DHRSX: variants seen among roughly 807,000 people sequenced by gnomAD.
The protein encoded by DHRSX is polyprenol dehydrogenase.
In DHRSX, 31 loss-of-function variants were observed where a neutral mutation model predicts 34.0. That is an observed-to-expected ratio of 0.91 (90% CI 0.69 to 1.23). The LOEUF (loss-of-function observed/expected upper bound fraction) is 1.23, where lower values mean the gene tolerates loss of function less well. DHRSX is among the 50% of genes most tolerant of loss of function. The pLI, the probability that DHRSX is intolerant of heterozygous loss-of-function variation, is 0.00. For synonymous variants in DHRSX, 201 were observed against 183.8 expected, an observed-to-expected ratio of 1.09 and a Z score of -0.76; for missense variants, 414 against 428.1, an observed-to-expected ratio of 0.97 and a Z score of 0.29.
At chrX:2,248,432 C>CAAAAAAAAAAAAAA (rs574631590) in intron 5 of DHRSX, among the ~76,000 whole-genome samples, 1 of 111,040 alleles carries the variant, frequency 9.0e-6, no homozygotes, top group African/African-American at 3.2e-5. Context: ...GACTCTGTCT[C>CAAAAAAAAAAAAAA]AAAAAAAAAA....
At chrX:2,383,531 C>T (rs764672209) in intron 3 of DHRSX, among the ~76,000 whole-genome samples, 29 of 152,314 alleles carry the variant, frequency 1.9e-4, no homozygotes, top group Admixed American at 1.0e-3. Context: ...CAACCATCAT[C>T]ACCATCAGAA....
chrX:2,223,264 G>A (rs908155633), intron 6 of DHRSX, among the ~76,000 whole-genome samples: 5 of 152,106 alleles, frequency 3.3e-5, no homozygotes, highest in Admixed American at 6.6e-5. Flanking sequence ...GACATCTGAT[G>A]GTTTTATAAA....
intron 1 of DHRSX, among the ~76,000 whole-genome samples, chrX:2,431,667 A>G (rs918867431): frequency 6.6e-6 from 1 of 152,290 alleles, no homozygotes; most frequent in Admixed American, 6.5e-5. Context: ...AGGAAACTAA[A>G]TATCAGACGT....
intron 6 of DHRSX, among the ~76,000 whole-genome samples, chrX:2,234,855 C>T (rs1195841735): frequency 3.3e-5 from 5 of 152,146 alleles, no homozygotes; most frequent in Admixed American, 2.6e-4. Flanking sequence ...GGACTACAGG[C>T]GTGTGCCACC....
intron 3 of DHRSX, among the ~76,000 whole-genome samples, chrX:2,406,494 G>A (rs1243629101): frequency 2.0e-5 from 3 of 150,652 alleles, no homozygotes; most frequent in South Asian, 2.1e-4. Context: ...AGGCTGGAGT[G>A]CAAAGGTGTG....
intron 3 of DHRSX, among the ~76,000 whole-genome samples, chrX:2,328,921 C>T (rs981350341): frequency 7.2e-5 from 11 of 152,102 alleles, no homozygotes; most frequent in Non-Finnish European, 1.3e-4. Flanking sequence ...GGAGGTTTTC[C>T]TCAAAGCATT....
intron 3 of DHRSX, among the ~76,000 whole-genome samples, chrX:2,343,844 G>A (rs2042669606): frequency 1.3e-5 from 2 of 152,188 alleles, no homozygotes; most frequent in Non-Finnish European, 2.9e-5. Flanking sequence ...TATTGGTGAA[G>A]TGTATTAGTA....
Position 2,408,795 on chromosome X carries a change from T to A in DHRSX, c.236A>T (p.Lys79Ile). The A allele has an allele frequency of 6.2e-7, 1 of 1,613,068 alleles. No homozygotes were observed. Among genetic ancestry groups the A allele is most frequent in the Non-Finnish European group, 8.5e-7 (1 of 1,179,590 alleles). Residue 79 changes from lysine (K) to isoleucine (I), a missense_variant, in exon 3 of 7, where the codon AAA becomes ATA. Coordinates refer to ENST00000334651, the MANE Select transcript of DHRSX (RefSeq NM_145177.3). ...HVIIAGNNDS[K>I]AKQVVSKIKE... ...TATTTTGCTTACAACTTGTTTGGCTTTGCTGTCATTATTTCCAGCTAAAAG... is the reference window on the plus strand; with the variant it reads ...TATTTTGCTTACAACTTGTTTGGCTATGCTGTCATTATTTCCAGCTAAAAG...
chrX:2,233,071 G>A (rs1569477598), intron 6 of DHRSX, among the ~76,000 whole-genome samples: 1 of 6,602 alleles, frequency 1.5e-4, no homozygotes. Flanking sequence ...AAGAAAGAAA[G>A]AAAGAAAGAA....
chrX:2,267,011 G>T, intron 4 of DHRSX, 64 bp from the exon 5 acceptor site: 1 of 1,549,388 alleles, frequency 6.5e-7, no homozygotes, highest in Non-Finnish European at 8.9e-7. Flanking sequence ...TCTCACAGAT[G>T]GATTCCCCAG....
At chrX:2,261,888 T>G (rs1170797042) in intron 5 of DHRSX, 1 of 152,146 alleles carries the variant, frequency 6.6e-6, no homozygotes, top group Non-Finnish European at 1.5e-5. Flanking sequence ...GGAAGGGGTG[T>G]TCCTGTGTGT....
chrX:2,254,944 AC>A (rs1569480380), intron 5 of DHRSX, among the ~76,000 whole-genome samples: 1 of 89,372 alleles, frequency 1.1e-5, no homozygotes, highest in Non-Finnish European at 2.3e-5. Flanking sequence ...TGCCTGCCCC[AC>A]GCCCCCCCCC....
chrX:2,336,621 C>T (rs779486886), intron 3 of DHRSX, among the ~76,000 whole-genome samples: 88 of 146,970 alleles, frequency 6.0e-4, no homozygotes, highest in African/African-American at 2.2e-3. Context: ...TTTTTTGAGA[C>T]GGAGTTTTGC....
intron 3 of DHRSX, among the ~76,000 whole-genome samples, chrX:2,331,795 C>G (rs1358729836): frequency 6.6e-6 from 1 of 152,080 alleles, no homozygotes; most frequent in Admixed American, 6.6e-5. Context: ...AAAACCCTAT[C>G]AAACAGCATC....
intron 4 of DHRSX, among the ~76,000 whole-genome samples, chrX:2,268,550 T>A (rs888329502): frequency 2.6e-5 from 4 of 152,260 alleles, no homozygotes; most frequent in Admixed American, 6.5e-5. Context: ...TATGTTAGCA[T>A]GTACATATGT....
At chrX:2,332,377 G>A (rs2042490594) in intron 3 of DHRSX, among the ~76,000 whole-genome samples, 1 of 152,182 alleles carries the variant, frequency 6.6e-6, no homozygotes, top group Non-Finnish European at 1.5e-5. Context: ...GCTAGTTAGT[G>A]TGTGCAGTGA....
At chrX:2,393,488 A>G (rs2043361739) in intron 3 of DHRSX, among the ~76,000 whole-genome samples, 1 of 140,666 alleles carries the variant, frequency 7.1e-6, no homozygotes. Context: ...TCTCCTGCAC[A>G]CACATGACAC....
At chrX:2,401,742 C>T (rs2043488651) in intron 3 of DHRSX, among the ~76,000 whole-genome samples, 1 of 152,144 alleles carries the variant, frequency 6.6e-6, no homozygotes, top group South Asian at 2.1e-4. Context: ...GTGAATGAGA[C>T]TATTTGTTCT....
chrX:2,463,718 G>A (rs1161001128), intron 1 of DHRSX, among the ~76,000 whole-genome samples: 2 of 152,188 alleles, frequency 1.3e-5, no homozygotes, highest in African/African-American at 4.8e-5. Flanking sequence ...GCAGAGAGGA[G>A]CAGGCTGGCT....
Sources: allele counts gnomAD v4.1 joint callset (sites outside exome capture counted in the v4.1 genomes callset), GRCh38; gene constraint gnomAD v4.1.1; transcripts MANE v1.5; gene names NCBI Gene and HGNC (gene_info 2026-07-23, HGNC 2026-07-21).